GAP43: variants seen among roughly 807,000 people sequenced by gnomAD.
GAP43 encodes neuromodulin.
GAP43 carries 6 observed loss-of-function variants against 18.6 expected under a neutral mutation model. That is an observed-to-expected ratio of 0.32 (90% CI 0.18 to 0.64). The LOEUF is 0.64. Among genes scored for constraint, GAP43 ranks in the 30% least tolerant of loss-of-function variants. GAP43 has a pLI of 0.78. For synonymous variants in GAP43, 115 were observed against 111.4 expected (o/e 1.03, Z -0.20); for missense variants, 292 against 295.5 (o/e 0.99, Z 0.09).
At chr3:115,682,699 G>T (rs952691074) in intron 2 of GAP43, among the ~76,000 whole-genome samples, 24 of 152,072 alleles carry the variant, frequency 1.6e-4, no homozygotes, top group African/African-American at 5.8e-4. Flanking sequence ...ACCATGCCTG[G>T]CTAATTTTTG....
chr3:115,636,084 A>G (rs1214911078), intron 1 of GAP43, among the ~76,000 whole-genome samples: 1 of 152,146 alleles, frequency 6.6e-6, no homozygotes, highest in Admixed American at 6.6e-5. Flanking sequence ...TCAAACCATG[A>G]GAATCATAAG....
chr3:115,687,000 C>A (rs1022004705), intron 2 of GAP43, among the ~76,000 whole-genome samples: 7 of 152,070 alleles, frequency 4.6e-5, no homozygotes, highest in Admixed American at 3.9e-4. Context: ...TTAGCCTAGG[C>A]ACTATTTGCT....
At chr3:115,706,167 G>A (rs1056780556) in intron 2 of GAP43, among the ~76,000 whole-genome samples, 3 of 129,984 alleles carry the variant, frequency 2.3e-5, no homozygotes, top group Non-Finnish European at 4.9e-5. Flanking sequence ...TCCTGGAAAT[G>A]AGAACTTTCT....
In GAP43 at chr3:115,698,165, A is replaced by ATAATAT. The variant is rs1709237046; in HGVS notation, c.628+21555_628+21556insTAATAT. Among the ~76,000 whole-genome samples, 5 of 30,004 alleles carry ATAATAT rather than the reference A, an allele frequency of 1.7e-4. 1 individual carries two copies. In the East Asian group the frequency reaches 5.9e-3, roughly 35 times the overall value. The allele number at this position is 30,004 out of a possible 152,430, so 19.7% of individuals were successfully genotyped here. ...AATATATATTATATATAATATATAA[A>ATAATAT]ATATATTAAATAATATATATATTAA... is the stretch of plus-strand genomic sequence containing the variant. On this transcript the variant is annotated intron_variant, in intron 2 of 2. Coordinates refer to ENST00000305124, the MANE Select transcript of GAP43 (RefSeq NM_002045.4).
At chr3:115,683,143 GCGCGCACACACACACACA>G (rs1559800410) in intron 2 of GAP43, among the ~76,000 whole-genome samples, 239 of 126,132 alleles carry the variant, frequency 1.9e-3, no homozygotes, top group African/African-American at 5.8e-3. Context: ...GTGCGCGCGC[GCGCGCACACACACACACA>G]CACACACACA....
At chr3:115,706,380 A>C (rs967275694) in intron 2 of GAP43, among the ~76,000 whole-genome samples, 7 of 123,454 alleles carry the variant, frequency 5.7e-5, no homozygotes, top group Non-Finnish European at 1.1e-4. Context: ...TATTGGATGC[A>C]AGATTTACTA....
At chr3:115,687,091 T>G (rs1201885988) in intron 2 of GAP43, among the ~76,000 whole-genome samples, 2 of 144,810 alleles carry the variant, frequency 1.4e-5, no homozygotes, top group Non-Finnish European at 3.0e-5. Context: ...TGGAGATGAC[T>G]GAAGATGTCC....
At chr3:115,675,156 C>T (rs536472869) in intron 1 of GAP43, among the ~76,000 whole-genome samples, 1 of 152,246 alleles carries the variant, frequency 6.6e-6, no homozygotes, top group African/African-American at 2.4e-5. Flanking sequence ...ACTGCAGCCT[C>T]GACCTCGCAG....
At chr3:115,674,739 C>T (rs1355880916) in intron 1 of GAP43, among the ~76,000 whole-genome samples, 1 of 151,988 alleles carries the variant, frequency 6.6e-6, no homozygotes, top group Non-Finnish European at 1.5e-5. Context: ...AATGTTGGAC[C>T]ACACGCAAGA....
chr3:115,698,630 A>G (rs901674464), intron 2 of GAP43, among the ~76,000 whole-genome samples: 2 of 151,804 alleles, frequency 1.3e-5, no homozygotes, highest in African/African-American at 4.8e-5. Flanking sequence ...GAGGATGGAA[A>G]TGAGCACATA....
chr3:115,701,752 A>C (rs1709299848), intron 2 of GAP43, among the ~76,000 whole-genome samples: 1 of 151,870 alleles, frequency 6.6e-6, no homozygotes, highest in African/African-American at 2.4e-5. Flanking sequence ...CTTCTATTTT[A>C]CTGTTTCCCA....
chr3:115,676,438 G>A lies in GAP43; in HGVS notation c.456G>A (p.Pro152=), dbSNP rs750468288. 1.9e-6 allele frequency: 3 copies of A among 1,613,930 alleles called. No homozygotes were observed. Among genetic ancestry groups the A allele is most frequent in the South Asian group, 2.2e-5 (2 of 91,060 alleles). The part of the protein sequence containing the change: ...SATKASTDNS[P]SSKAEDAPAK... Reference sequence around the variant, plus strand: ...CTAAAGCTTCCACTGATAACTCGCCGTCCTCCAAGGCTGAAGATGCCCCAG... The same window carrying A: ...CTAAAGCTTCCACTGATAACTCGCCATCCTCCAAGGCTGAAGATGCCCCAG... The change falls in exon 2 of 3, where the codon CCG becomes CCA. Residue 152 remains proline (P), a synonymous_variant. Transcript: ENST00000305124.
intron 1 of GAP43, among the ~76,000 whole-genome samples, chr3:115,648,816 AG>A (rs1393633332): frequency 6.6e-6 from 1 of 152,200 alleles, no homozygotes; most frequent in Non-Finnish European, 1.5e-5. Flanking sequence ...ATATGGGATC[AG>A]GGAAGCCAAC....
At chr3:115,674,571 A>G (rs1324027366) in intron 1 of GAP43, among the ~76,000 whole-genome samples, 1 of 152,176 alleles carries the variant, frequency 6.6e-6, no homozygotes, top group Non-Finnish European at 1.5e-5. Flanking sequence ...ATACGAACAC[A>G]TTTTAGGTTC....
At chr3:115,631,018 C>A (rs181114250) in intron 1 of GAP43, among the ~76,000 whole-genome samples, 1 of 152,228 alleles carries the variant, frequency 6.6e-6, no homozygotes, top group Non-Finnish European at 1.5e-5. Context: ...ACTTATTCAG[C>A]GTGGGCTTTG....
At chr3:115,700,164 A>G (rs1029732654) in intron 2 of GAP43, among the ~76,000 whole-genome samples, 3 of 152,316 alleles carry the variant, frequency 2.0e-5, no homozygotes, top group African/African-American at 7.2e-5. Flanking sequence ...CAGAACACCA[A>G]CATCAGACAA....
chr3:115,660,800 G>A (rs532693422), intron 1 of GAP43, among the ~76,000 whole-genome samples: 47 of 152,338 alleles, frequency 3.1e-4, no homozygotes, highest in Middle Eastern at 3.4e-3. Flanking sequence ...CCTTAGTGGT[G>A]CAGATGTTGC....
chr3:115,697,002 G>C, intron 2 of GAP43, among the ~76,000 whole-genome samples: 1 of 151,490 alleles, frequency 6.6e-6, no homozygotes, highest in Middle Eastern at 3.2e-3. Flanking sequence ...GCTAAATTTT[G>C]TAATTTTGTA....
chr3:115,700,948 G>A (rs2918079), intron 2 of GAP43, among the ~76,000 whole-genome samples: 82,034 of 151,910 alleles, frequency 0.54, 22,880 homozygotes, highest in East Asian at 0.73. Flanking sequence ...CAGACTGACA[G>A]CAGACATCAA....
Sources: gnomAD v4.1 joint callset for allele counts (sites outside exome capture counted in the v4.1 genomes callset) on GRCh38, gnomAD v4.1.1 for gene constraint, MANE v1.5 for transcripts, NCBI Gene and HGNC (gene_info 2026-07-23, HGNC 2026-07-21) for gene names.